ELMOD1: variants seen among roughly 807,000 people sequenced by gnomAD.
The protein encoded by ELMOD1 is ELMO domain-containing protein 1.
In ELMOD1, 21 loss-of-function variants were observed where a neutral mutation model predicts 46.7. The ratio of observed to expected loss-of-function variants is 0.45; its 90% confidence interval spans 0.32 to 0.65. The LOEUF is 0.65. ELMOD1 is among the 30% of genes least tolerant of loss of function. The pLI is 0.04. For synonymous variants in ELMOD1, 122 were observed against 138.2 expected, an observed-to-expected ratio of 0.88 and a Z score of 0.82; for missense variants, 348 against 407.8, an observed-to-expected ratio of 0.85 and a Z score of 1.26.
chr11:107,664,614 A>T (rs1296770647), intron 11 of ELMOD1, among the ~76,000 whole-genome samples: 2 of 152,210 alleles, frequency 1.3e-5, no homozygotes, highest in East Asian at 1.9e-4. Flanking sequence ...AACTTTAGTT[A>T]CATCAAATAT....
At chr11:107,594,551 G>C (rs988182594) in intron 1 of ELMOD1, among the ~76,000 whole-genome samples, 1 of 152,188 alleles carries the variant, frequency 6.6e-6, no homozygotes. Flanking sequence ...CTAAGTGCTA[G>C]TTTACTATTC....
chr11:107,599,765 GAAAAA>G (rs67957721), intron 1 of ELMOD1, among the ~76,000 whole-genome samples: 1 of 78,970 alleles, frequency 1.3e-5, no homozygotes, highest in African/African-American at 5.4e-5. Context: ...AAAAAGAAAA[GAAAAA>G]AAAAAAAAAC....
At chr11:107,618,902 T>C (rs886968409) in intron 2 of ELMOD1, among the ~76,000 whole-genome samples, 1 of 152,240 alleles carries the variant, frequency 6.6e-6, no homozygotes, top group Non-Finnish European at 1.5e-5. Flanking sequence ...AATATTAAAA[T>C]ACGGCAAAAT....
rs1406070306 is a variant in ELMOD1 at position 107,665,008 on chromosome 11, T to C, written c.833-17T>C. ...TTTTTTTCTCCTGCATTCTTATCATTGTATTGTCTCCAACAGGCTATTTGA... is the reference window on the plus strand; with the variant it reads ...TTTTTTTCTCCTGCATTCTTATCATCGTATTGTCTCCAACAGGCTATTTGA... On this transcript the variant is annotated splice_polypyrimidine_tract_variant and intron_variant, in intron 11 of 11. Coordinates refer to ENST00000265840, the MANE Select transcript of ELMOD1 (RefSeq NM_018712.4). 1.2e-6 allele frequency: 2 copies of C among 1,601,374 alleles called. No individual in the cohort carries two copies. Among genetic ancestry groups the C allele is most frequent in the African/African-American group, 2.7e-5 (2 of 74,226 alleles).
At position 107,665,271 on chromosome 11, in the gene ELMOD1, G is replaced by C; in HGVS notation, c.*74G>C. On this transcript the variant is annotated 3_prime_UTR_variant, in exon 12 of 12. Transcript: ENST00000265840. Reference sequence around the variant, plus strand: ...TTGTTAGATCTCTGCTTAGGTCGCAGCTCACGCATTGAATGCACACAGTGA... The same window carrying C: ...TTGTTAGATCTCTGCTTAGGTCGCACCTCACGCATTGAATGCACACAGTGA... 1 of 1,468,002 alleles carries C rather than the reference G, an allele frequency of 6.8e-7. No individual in the cohort carries two copies. The highest frequency in any genetic ancestry group is 9.3e-7 in the Non-Finnish European group (1 of 1,071,870). 90.9% of individuals were successfully genotyped at this position (1,468,002 alleles called of 1,614,324 possible). A position where few individuals can be genotyped will look rare whatever the true frequency, so the allele number is the denominator to read the frequency against.
At position 107,656,081 on chromosome 11, in the gene ELMOD1, G is replaced by A. The variant is rs377220968; in HGVS notation, c.832+15G>A. The A allele has an allele frequency of 6.2e-4, 969 of 1,551,378 alleles. No homozygotes were observed. The highest frequency in any genetic ancestry group is 8.1e-4 in the Non-Finnish European group (927 of 1,147,040). The stretch of plus-strand genomic sequence containing the variant: ...GCAAACATTCTGTAAGTATCCTGTT[G>A]TATAATTATCAATATAGGTTTCTAC... On this transcript the variant is annotated intron_variant, in intron 11 of 11. Coordinates refer to ENST00000265840, the MANE Select transcript of ELMOD1 (RefSeq NM_018712.4).
chr11:107,619,342 G>A (rs1406842187), intron 2 of ELMOD1, among the ~76,000 whole-genome samples: 4 of 152,166 alleles, frequency 2.6e-5, no homozygotes, highest in Non-Finnish European at 5.9e-5. Flanking sequence ...AAAATCAGGA[G>A]GACATTTGCC....
At chr11:107,657,734 G>A (rs1866659806) in intron 11 of ELMOD1, among the ~76,000 whole-genome samples, 2 of 152,166 alleles carry the variant, frequency 1.3e-5, no homozygotes, top group African/African-American at 4.8e-5. Context: ...CAAAATAAGA[G>A]AGTAATCCTA....
chr11:107,605,557 C>T (rs1565370469), intron 1 of ELMOD1, among the ~76,000 whole-genome samples: 2 of 152,180 alleles, frequency 1.3e-5, no homozygotes, highest in African/African-American at 2.4e-5. Context: ...TCCATGAAAA[C>T]AGTGCGTAAG....
intron 2 of ELMOD1, among the ~76,000 whole-genome samples, chr11:107,626,167 G>A (rs546064341): frequency 1.3e-5 from 2 of 152,168 alleles, no homozygotes; most frequent in South Asian, 2.1e-4. Flanking sequence ...GAAGAAAAGC[G>A]AATATTGCCC....
chr11:107,592,528 T>A, intron 1 of ELMOD1: 1 of 474,748 alleles, frequency 2.1e-6, no homozygotes, highest in Admixed American at 2.1e-5. Context: ...GGGATAAATG[T>A]CTTAATTCAT....
intron 11 of ELMOD1, among the ~76,000 whole-genome samples, chr11:107,657,887 A>C (rs932574678): frequency 6.6e-6 from 1 of 152,248 alleles, no homozygotes; most frequent in Non-Finnish European, 1.5e-5. Flanking sequence ...CTCTTTGAAG[A>C]ACATGAAATT....
At chr11:107,615,549 C>T (rs1167241880) in intron 1 of ELMOD1, among the ~76,000 whole-genome samples, 3 of 152,024 alleles carry the variant, frequency 2.0e-5, no homozygotes, top group African/African-American at 4.8e-5. Flanking sequence ...CAGCATCTTA[C>T]GTTAATATTA....
At chr11:107,592,873 T>C (rs1333868022) in intron 1 of ELMOD1, 1 of 153,018 alleles carries the variant, frequency 6.5e-6, no homozygotes, top group Non-Finnish European at 1.5e-5. Context: ...CAATCAGTAC[T>C]CGAAATGGTT....
At chr11:107,647,419 A>G in intron 6 of ELMOD1, 49 bp from the exon 7 acceptor site, 1 of 1,561,790 alleles carries the variant, frequency 6.4e-7, no homozygotes, top group Non-Finnish European at 8.6e-7. Flanking sequence ...AATCTGAACC[A>G]ATAGGAAAGG....
At chr11:107,646,982 CTAT>C (rs1866440748) in intron 6 of ELMOD1, among the ~76,000 whole-genome samples, 10 of 151,478 alleles carry the variant, frequency 6.6e-5, no homozygotes, top group Admixed American at 1.3e-4. Context: ...ATCTATCTAT[CTAT>C]CTACCTATCT....
At chr11:107,618,319 T>C in intron 2 of ELMOD1, 113 bp downstream of exon 2, 2 of 1,216,816 alleles carry the variant, frequency 1.6e-6, no homozygotes, top group African/African-American at 1.5e-5. Context: ...ACTCCTAAGA[T>C]TCTGTGAAAT....
rs578209338 is a variant in ELMOD1, at chr11:107,658,041, A to C, written c.832+1975A>C. On this transcript the variant is annotated intron_variant, in intron 11 of 11. Transcript: ENST00000265840. ...AAAGTAAAGAAAAGGGTGAGAAAAT[A>C]AGTGACTATGTGGCTGGGGTGAGTG... is the stretch of plus-strand genomic sequence containing the variant. 1.9e-3 allele frequency among the ~76,000 whole-genome samples: 252 copies of C among 133,916 alleles called. 1 individual carries two copies. The highest frequency in any genetic ancestry group is 9.5e-3 in the African/African-American group (241 of 25,368). 87.9% of individuals were successfully genotyped at this position (133,916 alleles called of 152,430 possible).
intron 5 of ELMOD1, among the ~76,000 whole-genome samples, chr11:107,632,101 A>G (rs752168820): frequency 2.6e-5 from 4 of 152,148 alleles, no homozygotes; most frequent in Non-Finnish European, 5.9e-5. Flanking sequence ...AATCTTGGAG[A>G]CTGTTTCTAC....
Sources: allele counts gnomAD v4.1 joint callset (sites outside exome capture counted in the v4.1 genomes callset), GRCh38; gene constraint gnomAD v4.1.1; transcripts MANE v1.5; gene names NCBI Gene and HGNC (gene_info 2026-07-23, HGNC 2026-07-21).